The following CADM3 variants were observed in gnomAD, a reference collection of about 807,000 sequenced individuals.
CADM3 encodes TSLC1-like 1.
Under a neutral mutation model 44.9 loss-of-function variants are expected in CADM3, and 11 were observed. That is an observed-to-expected ratio of 0.25 (90% CI 0.15 to 0.41). The LOEUF (loss-of-function observed/expected upper bound fraction) is 0.41, where lower values mean the gene tolerates loss of function less well. Ranked by LOEUF, CADM3 falls within the 10% of genes least tolerant of loss-of-function variation. The pLI is 1.00. For synonymous variants in CADM3, 207 were observed against 205.2 expected (o/e 1.01, Z -0.08); for missense variants, 426 against 512.0 (o/e 0.83, Z 1.62).
intron 1 of CADM3, among the ~76,000 whole-genome samples, chr1:159,179,978 G>T (rs1649168067): frequency 6.6e-6 from 1 of 152,136 alleles, no homozygotes; most frequent in African/African-American, 2.4e-5. Context: ...CTAAGCCCCT[G>T]AGCCTCCCAT....
rs953310700 is a variant in CADM3, at chr1:159,201,655, G to A, written c.*733G>A. Reference sequence around the variant, plus strand: ...AAGAGTAGATTTGGAGAGGAAGGATGGAGGTGGACTCTCACCCCATTCCCC... The same window carrying A: ...AAGAGTAGATTTGGAGAGGAAGGATAGAGGTGGACTCTCACCCCATTCCCC... On this transcript the variant is annotated 3_prime_UTR_variant, in exon 9 of 9. Coordinates refer to ENST00000368125, the MANE Select transcript of CADM3 (RefSeq NM_001127173.3). 25 of 152,316 alleles carry A rather than the reference G, an allele frequency of 1.6e-4. No homozygotes were observed. Among genetic ancestry groups the A allele is most frequent in the Admixed American group, 1.4e-3 (22 of 15,284 alleles). 9.4% of individuals were successfully genotyped at this position (152,316 alleles called of 1,614,324 possible).
Position 159,192,644 on chromosome 1 carries a change from A to G in CADM3, c.296A>G (p.Asn99Ser). The change falls in exon 3 of 9, where the codon AAT becomes AGT. Residue 99 changes from asparagine to serine, a missense_variant. By Grantham distance (46) the Asn-to-Ser change is conservative. Around this residue, in one of 2 missense-constraint regions of CADM3, gnomAD observed 362 missense variants for 474.6 expected, o/e 0.76. Transcript: ENST00000368125. Reference sequence around the variant, plus strand: ...CACGAGCTCAGCATCAGCATCAGCAATGTGGCCCTGGCAGACGAGGGCGAG... The same window carrying G: ...CACGAGCTCAGCATCAGCATCAGCAGTGTGGCCCTGGCAGACGAGGGCGAG... ...TPHELSISISNVALADEGEYT... is the reference protein window; with the variant it reads ...TPHELSISISSVALADEGEYT... The G allele has an allele frequency of 6.2e-7, 1 of 1,614,154 alleles. No individual in the cohort carries two copies. Among genetic ancestry groups the G allele is most frequent in the Non-Finnish European group, 8.5e-7 (1 of 1,180,024 alleles).
In CADM3 at chr1:159,201,604, T is replaced by A. The variant is rs1650211506; in HGVS notation, c.*682T>A. The A allele has an allele frequency of 6.6e-6, 1 of 152,250 alleles. No homozygotes were observed. The highest frequency in any genetic ancestry group is 2.4e-5 in the African/African-American group (1 of 41,422). The allele number at this position is 152,250 out of a possible 1,614,324, so 9.4% of individuals were successfully genotyped here. On this transcript the variant is annotated 3_prime_UTR_variant, in exon 9 of 9. Coordinates refer to ENST00000368125, the MANE Select transcript of CADM3 (RefSeq NM_001127173.3). The stretch of plus-strand genomic sequence containing the variant: ...CATGCAGGGACCCAGGACTGTAACC[T>A]GGGGAGGACGCGGGTCCCTGCAAGG...
At chr1:159,200,714 G>A (rs1650147931) in intron 8 of CADM3, 90 bp from the exon 9 acceptor site, 2 of 875,318 alleles carry the variant, frequency 2.3e-6, no homozygotes, top group Admixed American at 5.1e-5. Flanking sequence ...TACTTGAGCA[G>A]TGTGTGAGTG....
At position 159,196,464 on chromosome 1, in the gene CADM3, T is replaced by A. The variant is rs1304621499; in HGVS notation, c.782+10T>A. The A allele has an allele frequency of 6.2e-7, 1 of 1,611,550 alleles. No homozygotes were observed. The highest frequency in any genetic ancestry group is 8.5e-7 in the Non-Finnish European group (1 of 1,178,014). On this transcript the variant is annotated intron_variant, in intron 6 of 8. Coordinates refer to ENST00000368125, the MANE Select transcript of CADM3 (RefSeq NM_001127173.3). ...GTCGCGGCAATCCAGTGTAAGAAGA[T>A]CCATTTCCTGGTCTCCTCCTTACTC...
intron 1 of CADM3, among the ~76,000 whole-genome samples, chr1:159,179,848 A>T (rs1374412680): frequency 6.6e-6 from 1 of 152,162 alleles, no homozygotes; most frequent in Non-Finnish European, 1.5e-5. Context: ...ACAGTGAAAC[A>T]ATTGCACTCA....
intron 1 of CADM3, among the ~76,000 whole-genome samples, chr1:159,180,447 G>A (rs1649184898): frequency 6.6e-6 from 1 of 152,168 alleles, no homozygotes; most frequent in African/African-American, 2.4e-5. Flanking sequence ...CTTTATGTCA[G>A]AACAATATTA....
chr1:159,172,114 T>G (rs1036166713), intron 1 of CADM3, among the ~76,000 whole-genome samples: 1 of 152,064 alleles, frequency 6.6e-6, no homozygotes, highest in Admixed American at 6.5e-5. Context: ...GGGGCTGATG[T>G]CCGTTAGGAG....
intron 1 of CADM3, among the ~76,000 whole-genome samples, chr1:159,186,652 T>C (rs928668421): frequency 6.6e-6 from 1 of 152,234 alleles, no homozygotes; most frequent in Non-Finnish European, 1.5e-5. Flanking sequence ...TTATAATCAC[T>C]CATCCACTCC....
rs935486159 is a variant in CADM3, at chr1:159,171,765, G to A, written c.-1G>A. The A allele has an allele frequency of 8.1e-6, 10 of 1,236,768 alleles. No individual in the cohort carries two copies. The highest frequency in any genetic ancestry group is 4.6e-5 in the African/African-American group (3 of 64,534). The allele number at this position is 1,236,768 out of a possible 1,614,324, so 76.6% of individuals were successfully genotyped here. A position where few individuals can be genotyped will look rare whatever the true frequency, so the allele number is the denominator to read the frequency against. ...AGCCAGGGAGCCGGCCGGGAAGCGC[G>A]ATGGGGGCCCCAGCCGCCTCGCTCC... On this transcript the variant is annotated 5_prime_UTR_variant, in exon 1 of 9. Transcript: ENST00000368125.
chr1:159,193,941 G>A lies in CADM3; in HGVS notation c.592G>A (p.Val198Ile), dbSNP rs750908279. The part of the protein sequence containing the change: ...FTVSSSVTFQ[V>I]TREDDGASIV... Reference sequence around the variant, plus strand: ...TGTCAGCAGCTCGGTGACATTCCAGGTTACCCGGGAGGATGATGGGGCGAG... The same window carrying A: ...TGTCAGCAGCTCGGTGACATTCCAGATTACCCGGGAGGATGATGGGGCGAG... The change falls in exon 5 of 9, where the codon GTT becomes ATT. Residue 198 changes from valine (V) to isoleucine (I), a missense_variant. Val to Ile is a conservative substitution (Grantham distance 29). Transcript: ENST00000368125. The A allele has an allele frequency of 2.5e-6, 4 of 1,614,046 alleles. No individual in the cohort carries two copies. Among genetic ancestry groups the A allele is most frequent in the Admixed American group, 1.7e-5 (1 of 59,994 alleles).
chr1:159,188,490 C>G (rs1649508243), intron 1 of CADM3, among the ~76,000 whole-genome samples: 1 of 152,060 alleles, frequency 6.6e-6, no homozygotes, highest in Non-Finnish European at 1.5e-5. Flanking sequence ...CCCTTTCTCC[C>G]CTCTCCTCCC....
chr1:159,197,258 C>T (rs1349580948), intron 7 of CADM3, 198 bp downstream of exon 7: 4 of 547,908 alleles, frequency 7.3e-6, no homozygotes, highest in Non-Finnish European at 1.3e-5. Flanking sequence ...AGTGAAAAAA[C>T]ATTAGAAGGG....
intron 6 of CADM3, 156 bp from the exon 7 acceptor site, chr1:159,196,735 C>T: frequency 2.7e-6 from 2 of 743,916 alleles, no homozygotes; most frequent in Non-Finnish European, 4.3e-6. Context: ...CCCAAGAGGC[C>T]ACCTGGCGTA....
chr1:159,186,021 T>C lies in CADM3; in HGVS notation c.89-5915T>C, dbSNP rs1007389401. On this transcript the variant is annotated intron_variant, in intron 1 of 8. Coordinates refer to ENST00000368125, the MANE Select transcript of CADM3 (RefSeq NM_001127173.3). ...GGGGAATTATTTCAATCTGGGACAA[T>C]CAGGGAAGACTTCTGGAAAGATATG... Among the ~76,000 whole-genome samples the C allele has an allele frequency of 1.4e-4, 21 of 152,282 alleles. 1 individual carries two copies. The East Asian group carries it at 2.3e-3, about 17-fold the overall frequency.
At chr1:159,181,329 T>C (rs1296241837) in intron 1 of CADM3, among the ~76,000 whole-genome samples, 2 of 152,218 alleles carry the variant, frequency 1.3e-5, no homozygotes, top group Non-Finnish European at 2.9e-5. Flanking sequence ...AGAATGCAGA[T>C]TTCAAGTCAT....
chr1:159,181,724 G>T (rs1170051381), intron 1 of CADM3, among the ~76,000 whole-genome samples: 1 of 152,122 alleles, frequency 6.6e-6, no homozygotes, highest in African/African-American at 2.4e-5. Context: ...GGCTTGTTTT[G>T]GTTGGGGGCC....
In CADM3 at chr1:159,201,027, T is replaced by G. The variant is rs1171157241; in HGVS notation, c.*105T>G. The G allele has an allele frequency of 4.7e-6, 3 of 636,556 alleles. No individual in the cohort carries two copies. The highest frequency in any genetic ancestry group is 1.9e-5 in the African/African-American group (1 of 51,988). 39.4% of individuals were successfully genotyped at this position (636,556 alleles called of 1,614,324 possible). On this transcript the variant is annotated 3_prime_UTR_variant, in exon 9 of 9. Transcript: ENST00000368125. ...GCAACCGCAGGGCCGCCCCTCCCGC[T>G]TGCTCCCCAGCCCACCCACCCCCCT...
chr1:159,200,534 A>AGTG (rs1557940926), intron 8 of CADM3, among the ~76,000 whole-genome samples: 20 of 140,536 alleles, frequency 1.4e-4, no homozygotes, highest in African/African-American at 4.4e-4. Flanking sequence ...ACACACACAC[A>AGTG]CACACACACA....
Sources: allele counts gnomAD v4.1 joint callset (sites outside exome capture counted in the v4.1 genomes callset), GRCh38; gene constraint gnomAD v4.1.1; regional missense constraint gnomAD v4.1.1; transcripts MANE v1.5; gene names NCBI Gene and HGNC (gene_info 2026-07-23, HGNC 2026-07-21).